The following LRP1B variants were observed in gnomAD, a reference collection of about 807,000 sequenced individuals.
LRP1B encodes LDL receptor related protein 1B.
In LRP1B, 217 loss-of-function variants were observed where a neutral mutation model predicts 556.6. The ratio of observed to expected loss-of-function variants is 0.39; its 90% CI spans 0.35 to 0.44. The LOEUF (loss-of-function observed/expected upper bound fraction) is 0.44, where lower values mean the gene tolerates loss of function less well. Among genes scored for constraint, LRP1B ranks in the 20% least tolerant of loss-of-function variants. The pLI is 1.00. For missense variants in LRP1B, 5,053 were observed against 5,620.8 expected (o/e 0.90, Z 3.23); for synonymous variants, 2,047 against 1,865.8 (o/e 1.10, Z -2.50).
At chr2:141,417,346 CA>C (rs1239797706) in intron 3 of LRP1B, among the ~76,000 whole-genome samples, 1 of 152,170 alleles carries the variant, frequency 6.6e-6, no homozygotes, top group Non-Finnish European at 1.5e-5. Flanking sequence ...TTTCTTCTGG[CA>C]TGATTATTTC....
intron 83 of LRP1B, 108 bp from the exon 84 acceptor site, chr2:140,298,077 C>G (rs1364527385): frequency 2.0e-6 from 2 of 1,019,162 alleles, no homozygotes; most frequent in Non-Finnish European, 2.9e-6. Context: ...TGGTCAAGGT[C>G]TGTCCATGAT....
rs562530941 is a variant in LRP1B at position 141,254,707 on chromosome 2, G to A, written c.344-66C>T. The stretch of plus-strand genomic sequence containing the variant: ...ATATGTAAATAGTTTGTATTTCTCA[G>A]TGTACAATCCTTACACTATAGTCTT... On this transcript the variant is annotated intron_variant, in intron 3 of 90. Transcript: ENST00000389484. 3.4e-5 allele frequency: 44 copies of A among 1,305,796 alleles called. No homozygotes were observed. The East Asian group carries it at 6.7e-4, about 20-fold the overall frequency. The allele number at this position is 1,305,796 out of a possible 1,614,324, so 80.9% of individuals were successfully genotyped here.
chr2:141,599,329 C>A (rs947773193), intron 2 of LRP1B, among the ~76,000 whole-genome samples: 2 of 151,972 alleles, frequency 1.3e-5, no homozygotes, highest in Non-Finnish European at 2.9e-5. Context: ...TTATCTATCT[C>A]ATTTCAGATA....
intron 7 of LRP1B, among the ~76,000 whole-genome samples, chr2:141,098,562 A>G (rs1482700392): frequency 1.3e-5 from 2 of 152,216 alleles, no homozygotes; most frequent in Non-Finnish European, 1.5e-5. Flanking sequence ...CCAGTCTGGC[A>G]TCTTAGCTTA....
At chr2:140,557,555 C>T (rs1056547518) in intron 43 of LRP1B, among the ~76,000 whole-genome samples, 1 of 152,072 alleles carries the variant, frequency 6.6e-6, no homozygotes, top group Non-Finnish European at 1.5e-5. Flanking sequence ...TATGGCCTGA[C>T]CCCCTGTGAC....
At chr2:141,512,222 T>G (rs995408774) in intron 2 of LRP1B, among the ~76,000 whole-genome samples, 4 of 152,160 alleles carry the variant, frequency 2.6e-5, no homozygotes, top group African/African-American at 9.7e-5. Flanking sequence ...TATTATGAAC[T>G]GCACTAAGTA....
intron 66 of LRP1B, among the ~76,000 whole-genome samples, chr2:140,387,990 G>A (rs1683838212): frequency 6.7e-6 from 1 of 148,888 alleles, no homozygotes; most frequent in Non-Finnish European, 1.5e-5. Flanking sequence ...AGGCTGGAGT[G>A]CAGTGGCATG....
intron 41 of LRP1B, among the ~76,000 whole-genome samples, chr2:140,693,371 G>T (rs561992735): frequency 6.6e-6 from 1 of 151,156 alleles, no homozygotes; most frequent in South Asian, 2.1e-4. Flanking sequence ...AGGCTAGAGT[G>T]CAGTGGTGCA....
chr2:141,259,621 C>T (rs1023486885), intron 3 of LRP1B, among the ~76,000 whole-genome samples: 2 of 152,162 alleles, frequency 1.3e-5, no homozygotes, highest in African/African-American at 2.4e-5. Flanking sequence ...TGAAACAGCA[C>T]CTGGGAAGTC....
chr2:140,777,371 A>C (rs1378373633), intron 32 of LRP1B, among the ~76,000 whole-genome samples: 1 of 152,184 alleles, frequency 6.6e-6, no homozygotes, highest in Admixed American at 6.6e-5. Flanking sequence ...TTGAATATTA[A>C]AGCTGGTGCC....
chr2:140,323,538 G>GCACATGTATACATATGTAA (rs892921560), intron 81 of LRP1B, among the ~76,000 whole-genome samples: 4 of 151,966 alleles, frequency 2.6e-5, no homozygotes, highest in Non-Finnish European at 4.4e-5. Flanking sequence ...CACCAACATG[G>GCACATGTATACATATGTAA]CACATGTATA....
intron 3 of LRP1B, among the ~76,000 whole-genome samples, chr2:141,370,845 T>A (rs575063127): frequency 6.6e-6 from 1 of 152,182 alleles, no homozygotes; most frequent in African/African-American, 2.4e-5. Context: ...ATGGATCCAG[T>A]TTCATTCTCC....
Position 140,521,530 on chromosome 2 carries a change from G to T in LRP1B, c.8026+4314C>A, listed in dbSNP as rs1284538081. Among the ~76,000 whole-genome samples, 8 of 152,056 alleles carry T rather than the reference G, an allele frequency of 5.3e-5. 1 individual carries two copies. In the East Asian group the frequency reaches 5.8e-4, roughly 11 times the overall value. ...ACCACCAGATCAGTACTAGAAGAGA[G>T]CCTGAGGGGGTTCTTTGAATGGAAA... On this transcript the variant is annotated intron_variant, in intron 49 of 90. Coordinates refer to ENST00000389484, the MANE Select transcript of LRP1B (RefSeq NM_018557.3).
At chr2:141,940,026 G>T (rs1700751159) in intron 1 of LRP1B, among the ~76,000 whole-genome samples, 1 of 86,780 alleles carries the variant, frequency 1.2e-5, no homozygotes, top group South Asian at 3.9e-4. Context: ...CAAGTCCTCA[G>T]TATAAGGATT....
chr2:141,606,147 C>G (rs1687911412), intron 2 of LRP1B, among the ~76,000 whole-genome samples: 3 of 152,084 alleles, frequency 2.0e-5, no homozygotes, highest in Admixed American at 2.0e-4. Flanking sequence ...ATAAAATTGG[C>G]CACATTATTT....
chr2:140,762,328 T>C (rs1049057127), intron 35 of LRP1B, among the ~76,000 whole-genome samples: 2 of 152,108 alleles, frequency 1.3e-5, no homozygotes, highest in African/African-American at 2.4e-5. Flanking sequence ...TATACTCATA[T>C]CTCATCCTGA....
At chr2:140,556,317 G>A (rs774957278) in intron 43 of LRP1B, among the ~76,000 whole-genome samples, 2 of 151,804 alleles carry the variant, frequency 1.3e-5, no homozygotes, top group African/African-American at 2.4e-5. Flanking sequence ...TGGAGGAAAG[G>A]CCCCCCCACA....
chr2:140,316,385 A>G (rs79240126), intron 82 of LRP1B, among the ~76,000 whole-genome samples: 1 of 152,142 alleles, frequency 6.6e-6, no homozygotes, highest in Non-Finnish European at 1.5e-5. Flanking sequence ...AGTGGCTTCA[A>G]ATGACACAAT....
chr2:141,352,425 G>A (rs1424472582), intron 3 of LRP1B, among the ~76,000 whole-genome samples: 1 of 151,728 alleles, frequency 6.6e-6, no homozygotes, highest in Non-Finnish European at 1.5e-5. Context: ...TAAAAAAGTT[G>A]CAATGATAGT....
Sources: gnomAD v4.1 joint callset for allele counts (sites outside exome capture counted in the v4.1 genomes callset) on GRCh38, gnomAD v4.1.1 for gene constraint, MANE v1.5 for transcripts, NCBI Gene and HGNC (gene_info 2026-07-23, HGNC 2026-07-21) for gene names.